Variants in CNTN4 observed in about 807,000 individuals in gnomAD.
CNTN4 encodes the protein contactin-4.
In CNTN4, 77 loss-of-function variants were observed where a neutral mutation model predicts 122.5. That is an observed-to-expected ratio of 0.63 (90% CI 0.52 to 0.76). The LOEUF (loss-of-function observed/expected upper bound fraction) is 0.76. Ranked by LOEUF, CNTN4 falls within the 30% of genes least tolerant of loss-of-function variation. The pLI is 0.00. For synonymous variants in CNTN4, 512 were observed against 447.0 expected (o/e 1.15, Z -1.83); for missense variants, 1,256 against 1,259.1 (o/e 1.00, Z 0.04).
chr3:2,111,016 A>G (rs2125133840), intron 2 of CNTN4, among the ~76,000 whole-genome samples: 1 of 152,314 alleles, frequency 6.6e-6, no homozygotes, highest in South Asian at 2.1e-4. Flanking sequence ...TGCTTAGAAT[A>G]CAGCATGATC....
chr3:3,021,714 A>G (rs1698309269), intron 14 of CNTN4, among the ~76,000 whole-genome samples: 1 of 152,236 alleles, frequency 6.6e-6, no homozygotes, highest in African/African-American at 2.4e-5. Context: ...AAGGATTGGT[A>G]GGGTATCAGG....
chr3:2,786,063 G>A (rs1340126572), intron 6 of CNTN4, among the ~76,000 whole-genome samples: 2 of 152,038 alleles, frequency 1.3e-5, no homozygotes, highest in Non-Finnish European at 2.9e-5. Context: ...TGGTTAGAGA[G>A]GAGTTTGTCA....
intron 18 of CNTN4, chr3:3,037,555 G>C: frequency 1.8e-6 from 1 of 569,498 alleles, no homozygotes; most frequent in Non-Finnish European, 3.2e-6. Flanking sequence ...TACAGCAAGA[G>C]ACACACGGTG....
At chr3:2,209,775 A>G (rs879563494) in intron 2 of CNTN4, among the ~76,000 whole-genome samples, 1 of 152,184 alleles carries the variant, frequency 6.6e-6, no homozygotes, top group African/African-American at 2.4e-5. Context: ...GAAAATTTTA[A>G]GAATCAGTTG....
At chr3:3,044,371 A>G (rs1435676008) in intron 23 of CNTN4, among the ~76,000 whole-genome samples, 1 of 152,220 alleles carries the variant, frequency 6.6e-6, no homozygotes, top group East Asian at 1.9e-4. Context: ...CAATGTGGAT[A>G]GGGCCAGAAT....
intron 3 of CNTN4, among the ~76,000 whole-genome samples, chr3:2,484,589 T>G (rs974058782): frequency 6.6e-6 from 1 of 152,188 alleles, no homozygotes; most frequent in Non-Finnish European, 1.5e-5. Context: ...ACAGGACCAA[T>G]GTGACTCTTG....
At chr3:2,800,127 A>G (rs73109118) in intron 6 of CNTN4, among the ~76,000 whole-genome samples, 1,648 of 145,410 alleles carry the variant, frequency 0.011, 33 homozygotes, top group African/African-American at 0.038. Context: ...CAGGTTCCAC[A>G]GGTTGCTTTA....
At chr3:2,166,966 CTA>C (rs1228179952) in intron 2 of CNTN4, among the ~76,000 whole-genome samples, 1 of 152,100 alleles carries the variant, frequency 6.6e-6, no homozygotes, top group South Asian at 2.1e-4. Flanking sequence ...AAACAAACAA[CTA>C]TGAGTGATAG....
At chr3:2,859,665 A>G (rs1162723638) in intron 7 of CNTN4, among the ~76,000 whole-genome samples, 1 of 152,224 alleles carries the variant, frequency 6.6e-6, no homozygotes, top group East Asian at 1.9e-4. Flanking sequence ...CAGGGAATGC[A>G]GAATTATATG....
chr3:2,600,390 C>G (rs1182086605), intron 4 of CNTN4, among the ~76,000 whole-genome samples: 2 of 152,054 alleles, frequency 1.3e-5, no homozygotes, highest in Admixed American at 1.3e-4. Context: ...GTGATGTCCC[C>G]CTTCCTGTGT....
At chr3:2,653,398 C>A (rs1237611489) in intron 4 of CNTN4, among the ~76,000 whole-genome samples, 1 of 151,988 alleles carries the variant, frequency 6.6e-6, no homozygotes, top group African/African-American at 2.4e-5. Context: ...AGCTCTTTTC[C>A]AAATATTTAG....
chr3:2,500,758 A>AT (rs1459430219), intron 3 of CNTN4, among the ~76,000 whole-genome samples: 1 of 151,632 alleles, frequency 6.6e-6, no homozygotes, highest in Non-Finnish European at 1.5e-5. Flanking sequence ...TTTTTTCTTA[A>AT]TTTTTTCTAT....
intron 3 of CNTN4, among the ~76,000 whole-genome samples, chr3:2,494,256 A>C (rs761392245): frequency 6.6e-6 from 1 of 152,098 alleles, no homozygotes; most frequent in Non-Finnish European, 1.5e-5. Flanking sequence ...CCAATTTTAT[A>C]CATTTTAGGG....
chr3:3,024,560 G>T (rs571679383), intron 14 of CNTN4, among the ~76,000 whole-genome samples: 11 of 151,904 alleles, frequency 7.2e-5, no homozygotes, highest in Non-Finnish European at 4.4e-5. Context: ...CTCATTTCAT[G>T]GACATCACTC....
chr3:2,691,957 C>T (rs1042086983), intron 4 of CNTN4, among the ~76,000 whole-genome samples: 7 of 152,120 alleles, frequency 4.6e-5, no homozygotes, highest in Admixed American at 2.6e-4. Context: ...CTGCTAGGGA[C>T]GGTGACATTT....
At chr3:2,690,835 A>G (rs577704065) in intron 4 of CNTN4, among the ~76,000 whole-genome samples, 9 of 152,330 alleles carry the variant, frequency 5.9e-5, no homozygotes, top group African/African-American at 2.2e-4. Flanking sequence ...ACACAGCCAC[A>G]CTCATTCCTT....
At chr3:2,289,340 G>A (rs1181336767) in intron 2 of CNTN4, among the ~76,000 whole-genome samples, 1 of 152,116 alleles carries the variant, frequency 6.6e-6, no homozygotes, top group Non-Finnish European at 1.5e-5. Flanking sequence ...GTTTCTCATT[G>A]CATAGAGATA....
At chr3:2,627,042 ATCT>A (rs2082217975) in intron 4 of CNTN4, among the ~76,000 whole-genome samples, 1 of 152,152 alleles carries the variant, frequency 6.6e-6, no homozygotes, top group Non-Finnish European at 1.5e-5. Flanking sequence ...TTTGTGCCTC[ATCT>A]TCTTACTAGT....
At chr3:2,818,139 T>G (rs1457482038) in intron 6 of CNTN4, among the ~76,000 whole-genome samples, 2 of 152,214 alleles carry the variant, frequency 1.3e-5, no homozygotes, top group African/African-American at 4.8e-5. Context: ...GGAAGCTGTG[T>G]TCTCACAATG....
Sources: gnomAD v4.1 joint callset for allele counts (sites outside exome capture counted in the v4.1 genomes callset) on GRCh38, gnomAD v4.1.1 for gene constraint, MANE v1.5 for transcripts, NCBI Gene and HGNC (gene_info 2026-07-23, HGNC 2026-07-21) for gene names.